PRKRA: variants seen among roughly 807,000 people sequenced by gnomAD.
PRKRA encodes interferon-inducible double-stranded RNA-dependent protein kinase activator A.
In PRKRA, 22 loss-of-function variants were observed where a neutral mutation model predicts 32.4. The observed-to-expected ratio is 0.68, with a 90% CI of 0.49 to 0.97. The LOEUF (loss-of-function observed/expected upper bound fraction) is 0.97, where lower values mean the gene tolerates loss of function less well. Ranked by LOEUF, PRKRA falls within the 50% of genes least tolerant of loss-of-function variation. PRKRA has a pLI of 0.00. For missense variants in PRKRA, 319 were observed against 375.6 expected (o/e 0.85, Z 1.25); for synonymous variants, 139 against 129.8 (o/e 1.07, Z -0.48).
chr2:178,441,771 T>G, intron 5 of PRKRA, 67 bp from the exon 6 acceptor site: 1 of 993,252 alleles, frequency 1.0e-6, no homozygotes, highest in East Asian at 4.6e-5. Context: ...TGATCAAACG[T>G]ATGAAGTACT....
Position 178,450,972 on chromosome 2 carries a change from G to A in PRKRA, c.59C>T (p.Thr20Ile). The change falls in exon 1 of 8, where the codon ACC becomes ATC. Residue 20 changes from threonine to isoleucine, a missense_variant. By Grantham distance (89) the Thr-to-Ile change is moderately conservative (BLOSUM62 -1). Transcript: ENST00000325748. ...APPLEREDSG[T>I]FSLGKMITAK... ...TGACTGCCCGCACGCTGACCTGAAG[G>A]TCCCACTGTCCTCGCGCTCCAGCGG... is the stretch of plus-strand genomic sequence containing the variant. The A allele has an allele frequency of 1.9e-6, 3 of 1,561,738 alleles. No individual in the cohort carries two copies. Among genetic ancestry groups the A allele is most frequent in the Non-Finnish European group, 2.6e-6 (3 of 1,159,354 alleles).
At chr2:178,447,371 A>C in intron 3 of PRKRA, 134 bp downstream of exon 3, 1 of 1,463,932 alleles carries the variant, frequency 6.8e-7, no homozygotes, top group African/African-American at 1.4e-5. Flanking sequence ...ATAAGTTTTC[A>C]TAAGGAAATA....
rs1376104881 is a variant in PRKRA, at chr2:178,431,602, T to C, written c.*495A>G. 5.9e-6 allele frequency: 1 copy of C among 169,852 alleles called. No homozygotes were observed. The highest frequency in any genetic ancestry group is 2.4e-5 in the African/African-American group (1 of 41,678). The allele number at this position is 169,852 out of a possible 1,614,324, so 10.5% of individuals were successfully genotyped here. ...AGCAGAATCCCATCGTAACAGTTCT[T>C]TGTTACATGAATTCAAATACACAGC... On this transcript the variant is annotated 3_prime_UTR_variant, in exon 8 of 8. Coordinates refer to ENST00000325748, the MANE Select transcript of PRKRA (RefSeq NM_003690.5).
rs1399381527 is a variant in PRKRA, at chr2:178,447,552, T to G, written c.270A>C (p.Arg90Ser). Residue 90 changes from arginine to serine, a missense_variant, in exon 3 of 8, where the codon AGA (arginine) becomes AGC (serine). Coordinates refer to ENST00000325748, the MANE Select transcript of PRKRA (RefSeq NM_003690.5). Reference sequence around the variant, plus strand: ...AAATGTTTATGGCAGCCTCTGCAGCTCTATGTTTCGCCAGCTTCTTACTTG... The same window carrying G: ...AAATGTTTATGGCAGCCTCTGCAGCGCTATGTTTCGCCAGCTTCTTACTTG... The part of the protein sequence containing the change: ...EGTSKKLAKH[R>S]AAEAAINILK... 1.9e-6 allele frequency: 3 copies of G among 1,614,174 alleles called. No individual in the cohort carries two copies. The highest frequency in any genetic ancestry group is 1.7e-6 in the Non-Finnish European group (2 of 1,180,004).
At chr2:178,447,342 A>C (rs1487351739) in intron 3 of PRKRA, 163 bp downstream of exon 3, 4 of 1,268,230 alleles carry the variant, frequency 3.2e-6, no homozygotes, top group Non-Finnish European at 4.3e-6. Context: ...TGATTGGATA[A>C]AGTTTTCTTT....
At position 178,451,171 on chromosome 2, in the gene PRKRA, G is replaced by C; in HGVS notation, c.-141C>G. The C allele has an allele frequency of 1.1e-6, 1 of 935,814 alleles. No homozygotes were observed. Among genetic ancestry groups the C allele is most frequent in the Non-Finnish European group, 1.5e-6 (1 of 645,174 alleles). The allele number at this position is 935,814 out of a possible 1,614,324, so 58.0% of individuals were successfully genotyped here. A position where few individuals can be genotyped will look rare whatever the true frequency, so the allele number is the denominator to read the frequency against. On this transcript the variant is annotated 5_prime_UTR_variant, in exon 1 of 8. Transcript: ENST00000325748. Reference sequence around the variant, plus strand: ...CGCCTCCTGCTTGCGTTGCTCCAGCGAGGGGGCAGGCAGGGTGGGGGCGGA... The same window carrying C: ...CGCCTCCTGCTTGCGTTGCTCCAGCCAGGGGGCAGGCAGGGTGGGGGCGGA...
intron 7 of PRKRA, among the ~76,000 whole-genome samples, chr2:178,432,588 T>C (rs946409583): frequency 1.3e-5 from 2 of 152,166 alleles, no homozygotes; most frequent in African/African-American, 4.8e-5. Flanking sequence ...AATTCTAATA[T>C]AGTTAGTTGA....
intron 1 of PRKRA, 59 bp downstream of exon 1, chr2:178,450,907 G>A (rs988860272): frequency 2.5e-6 from 3 of 1,222,032 alleles, no homozygotes; most frequent in Non-Finnish European, 3.1e-6. Context: ...GGCTCCCCGC[G>A]CCCCGGCCCT....
At position 178,443,376 on chromosome 2, in the gene PRKRA, A is replaced by G. The variant is rs551602314; in HGVS notation, c.405T>C (p.Ala135=). 2 of 1,603,812 alleles carry G rather than the reference A, an allele frequency of 1.2e-6. No homozygotes were observed. Among genetic ancestry groups the G allele is most frequent in the Admixed American group, 3.3e-5 (2 of 60,022 alleles). ...LNPIGSLQEL[A]IHHGWRLPEY... The stretch of plus-strand genomic sequence containing the variant: ...CAGGAAGTCTCCAGCCATGATGAAT[A>G]GCCAATTCCTATAAAATCAAGATGA... The change falls in exon 5 of 8, where the codon GCT becomes GCC. Residue 135 remains alanine, a synonymous_variant. Transcript: ENST00000325748.
chr2:178,436,135 A>C lies in PRKRA; in HGVS notation c.784+10T>G, dbSNP rs748869322. On this transcript the variant is annotated intron_variant, in intron 7 of 7. Coordinates refer to ENST00000325748, the MANE Select transcript of PRKRA (RefSeq NM_003690.5). ...ATGTCTTGGGAAAGCCAAAGAAAAA[A>C]AAATCATACCTATATCCAAATATGT... is the stretch of plus-strand genomic sequence containing the variant. 2 of 792,728 alleles carry C rather than the reference A, an allele frequency of 2.5e-6. No individual in the cohort carries two copies. Among genetic ancestry groups the C allele is most frequent in the South Asian group, 3.6e-5 (2 of 55,870 alleles). The allele number at this position is 792,728 out of a possible 1,614,324, so 49.1% of individuals were successfully genotyped here. A position where few individuals can be genotyped will look rare whatever the true frequency, so the allele number is the denominator to read the frequency against.
At chr2:178,435,486 C>G (rs1390149905) in intron 7 of PRKRA, among the ~76,000 whole-genome samples, 1 of 151,790 alleles carries the variant, frequency 6.6e-6, no homozygotes, top group South Asian at 2.1e-4. Flanking sequence ...GCTTTCCCAT[C>G]TGTCCATATT....
intron 2 of PRKRA, among the ~76,000 whole-genome samples, chr2:178,449,675 A>AAT (rs1359334252): frequency 6.6e-6 from 1 of 152,230 alleles, no homozygotes; most frequent in East Asian, 1.9e-4. Context: ...TTCTTGTTTA[A>AAT]AAAGTGGATA....
intron 1 of PRKRA, chr2:178,450,742 C>T: frequency 7.4e-7 from 1 of 1,358,232 alleles, no homozygotes; most frequent in Admixed American, 3.5e-5. Flanking sequence ...CCGAGCGTCA[C>T]CTCCGCCCGC....
rs1697353279 is a variant in PRKRA at position 178,447,224 on chromosome 2, T to C, written c.317+281A>G. On this transcript the variant is annotated intron_variant, in intron 3 of 7. Coordinates refer to ENST00000325748, the MANE Select transcript of PRKRA (RefSeq NM_003690.5). Reference sequence around the variant, plus strand: ...AAGTCTAAATACAAAATGTTAATATTAATATTTGCAAGAAGCACTGATTTT... The same window carrying C: ...AAGTCTAAATACAAAATGTTAATATCAATATTTGCAAGAAGCACTGATTTT... 1.1e-5 allele frequency: 4 copies of C among 370,648 alleles called. No homozygotes were observed. The East Asian group carries it at 2.0e-4, about 19-fold the overall frequency. 23.0% of individuals were successfully genotyped at this position (370,648 alleles called of 1,614,324 possible).
At chr2:178,443,541 A>G (rs931676649) in intron 4 of PRKRA, 157 bp from the exon 5 acceptor site, 19 of 598,686 alleles carry the variant, frequency 3.2e-5, no homozygotes, top group Non-Finnish European at 5.3e-5. Flanking sequence ...TTTCTCAAAG[A>G]CATTCCCGCA....
chr2:178,447,708 A>T, intron 2 of PRKRA, 122 bp from the exon 3 acceptor site: 1 of 985,686 alleles, frequency 1.0e-6, no homozygotes, highest in East Asian at 3.1e-5. Context: ...AGGTAATAAA[A>T]ATATGTACGT....
In PRKRA at chr2:178,450,623, TAG is replaced by T. The variant is rs1370488215; in HGVS notation, c.66-214_66-213del. On this transcript the variant is annotated intron_variant, in intron 1 of 7. Transcript: ENST00000325748. ...GAGCAGGCGGGGTGAGCGAGGTCTTTAGAGAGAGCACTTGAATGCGGGTAGGA... is the reference window on the plus strand; with the variant it reads ...GAGCAGGCGGGGTGAGCGAGGTCTTTAGAGAGCACTTGAATGCGGGTAGGA... The T allele has an allele frequency of 3.4e-6, 5 of 1,455,382 alleles. No individual in the cohort carries two copies. In the East Asian group the frequency reaches 1.2e-4, roughly 36 times the overall value. The allele number at this position is 1,455,382 out of a possible 1,614,324, so 90.2% of individuals were successfully genotyped here.
Position 178,436,291 on chromosome 2 carries a change from C to A in PRKRA, c.638G>T (p.Cys213Phe), listed in dbSNP as rs752452731. ...LTNVVGHSLG[C>F]TWHSLRNSPG... ...AGAATTCCTCAAGGAATGCCAAGTA[C>A]ATCCTAAAGAATGTCCTACTACATT... The change falls in exon 7 of 8, where the codon TGT becomes TTT. Residue 213 changes from cysteine (C) to phenylalanine (F), a missense_variant. Physicochemically the swap from Cys to Phe is radical, Grantham distance 205 (BLOSUM62 -2). Coordinates refer to ENST00000325748, the MANE Select transcript of PRKRA (RefSeq NM_003690.5). The A allele has an allele frequency of 1.1e-5, 17 of 1,613,798 alleles. No individual in the cohort carries two copies. The Admixed American group carries it at 1.2e-4, about 11-fold the overall frequency.
At chr2:178,441,508 A>C in intron 6 of PRKRA, 102 bp downstream of exon 6, 1 of 748,600 alleles carries the variant, frequency 1.3e-6, no homozygotes, top group Non-Finnish European at 2.1e-6. Flanking sequence ...GATTTCTAAA[A>C]ATCACAACTC....
Sources: allele counts gnomAD v4.1 joint callset (sites outside exome capture counted in the v4.1 genomes callset), GRCh38; gene constraint gnomAD v4.1.1; transcripts MANE v1.5; gene names NCBI Gene and HGNC (gene_info 2026-07-23, HGNC 2026-07-21).